The following DLGAP2 variants were observed in gnomAD, a reference collection of about 807,000 sequenced individuals.
DLGAP2 encodes DLG associated protein 2.
Under a neutral mutation model 100.3 loss-of-function variants are expected in DLGAP2, and 26 were observed. The ratio of observed to expected loss-of-function variants is 0.26; its 90% confidence interval spans 0.19 to 0.36. DLGAP2 has a LOEUF of 0.36. Among genes scored for constraint, DLGAP2 ranks in the 10% least tolerant of loss-of-function variants. The probability of loss-of-function intolerance (pLI) is 1.00; values close to 1 mark genes in which losing one functional copy is unlikely to be tolerated. For missense variants in DLGAP2, 1,858 were observed against 1,453.2 expected (o/e 1.28, Z -4.53); for synonymous variants, 886 against 630.1 (o/e 1.41, Z -6.08).
At chr8:1,658,653 G>C (rs568367074) in intron 8 of DLGAP2, among the ~76,000 whole-genome samples, 93 of 152,306 alleles carry the variant, frequency 6.1e-4, no homozygotes, top group African/African-American at 1.8e-3. Flanking sequence ...AGTATTCTCT[G>C]ATGGTAGTTT....
Position 1,633,059 on chromosome 8 carries a change from C to A in DLGAP2, c.1810+13C>A. ...AGGTCAACAGCAGGTAAGGGGACGC[C>A]ATTTTCAGCCTTCCAGCGGGGACTC... On this transcript the variant is annotated intron_variant, in intron 8 of 14. Coordinates refer to ENST00000637795, the MANE Select transcript of DLGAP2 (RefSeq NM_001346810.2). The A allele has an allele frequency of 6.2e-7, 1 of 1,613,822 alleles. No homozygotes were observed.
chr8:1,190,013 G>T (rs1336921830), intron 2 of DLGAP2, among the ~76,000 whole-genome samples: 1 of 152,188 alleles, frequency 6.6e-6, no homozygotes, highest in Non-Finnish European at 1.5e-5. Flanking sequence ...GTTTTCTGGA[G>T]TTTAAAGGCC....
chr8:930,553 G>A (rs150488198), intron 2 of DLGAP2, among the ~76,000 whole-genome samples: 118 of 152,336 alleles, frequency 7.7e-4, no homozygotes, highest in African/African-American at 2.8e-3. Flanking sequence ...GGCAGACAGA[G>A]ATATTCTAGT....
intron 3 of DLGAP2, among the ~76,000 whole-genome samples, chr8:1,312,533 T>G (rs1207493782): frequency 6.6e-6 from 1 of 152,056 alleles, no homozygotes; most frequent in Non-Finnish European, 1.5e-5. Flanking sequence ...TCTGGGGGCT[T>G]GGGGGAGAGG....
chr8:1,302,068 G>A (rs905482820), intron 3 of DLGAP2: 1 of 152,336 alleles, frequency 6.6e-6, no homozygotes, highest in Non-Finnish European at 1.5e-5. Flanking sequence ...TGGGGGAAAA[G>A]GGTGCCTGTA....
chr8:1,697,093 C>A (rs1799416982), intron 13 of DLGAP2, 54 bp from the exon 14 acceptor site: 2 of 1,463,894 alleles, frequency 1.4e-6, no homozygotes. Context: ...GCCTCCCCAG[C>A]CCTGTGCCCG....
At chr8:1,352,121 G>C (rs1333627765) in intron 3 of DLGAP2, among the ~76,000 whole-genome samples, 2 of 97,552 alleles carry the variant, frequency 2.1e-5, no homozygotes, top group African/African-American at 7.0e-5. Context: ...AGTGTGTGTG[G>C]AACGGCCGTG....
intron 3 of DLGAP2, among the ~76,000 whole-genome samples, chr8:1,498,094 G>C (rs1023521959): frequency 1.3e-5 from 2 of 152,160 alleles, no homozygotes; most frequent in African/African-American, 4.8e-5. Flanking sequence ...AAGTCATTAT[G>C]GAGTCAAACA....
intron 2 of DLGAP2, among the ~76,000 whole-genome samples, chr8:1,164,754 C>G (rs971268563): frequency 5.9e-5 from 9 of 152,108 alleles, no homozygotes; most frequent in African/African-American, 2.2e-4. Context: ...TGTCTGAGGT[C>G]TATGTGAAAA....
intron 2 of DLGAP2, among the ~76,000 whole-genome samples, chr8:966,693 G>A (rs369585301): frequency 1.8e-4 from 27 of 152,126 alleles, no homozygotes; most frequent in Non-Finnish European, 3.4e-4. Flanking sequence ...TTTTGCTACT[G>A]GTGGAGTCTT....
At chr8:1,671,955 C>A (rs1368916629) in intron 10 of DLGAP2, among the ~76,000 whole-genome samples, 3 of 152,236 alleles carry the variant, frequency 2.0e-5, no homozygotes, top group Non-Finnish European at 4.4e-5. Flanking sequence ...CCCGGTCTGG[C>A]CTGACCTCGC....
intron 12 of DLGAP2, among the ~76,000 whole-genome samples, chr8:1,687,013 A>G (rs1197444850): frequency 6.6e-6 from 1 of 152,154 alleles, no homozygotes; most frequent in African/African-American, 2.4e-5. Context: ...TAAATCCATT[A>G]AAAACACACA....
At chr8:1,209,084 A>G (rs1324062592) in intron 2 of DLGAP2, among the ~76,000 whole-genome samples, 3 of 152,086 alleles carry the variant, frequency 2.0e-5, no homozygotes, top group Non-Finnish European at 4.4e-5. Flanking sequence ...GCCAAACACA[A>G]TGGATAAATT....
intron 2 of DLGAP2, among the ~76,000 whole-genome samples, chr8:962,834 C>G (rs1271950499): frequency 3.2e-4 from 49 of 152,182 alleles, no homozygotes; most frequent in Admixed American, 3.2e-3. Context: ...TGACAAGAGC[C>G]TTGGAAACCC....
chr8:1,292,854 C>T (rs934246444), intron 3 of DLGAP2, among the ~76,000 whole-genome samples: 1 of 152,132 alleles, frequency 6.6e-6, no homozygotes, highest in Non-Finnish European at 1.5e-5. Flanking sequence ...CATCCCAAGC[C>T]TACGCTGCCT....
intron 9 of DLGAP2, among the ~76,000 whole-genome samples, chr8:1,669,203 G>C (rs114819779): frequency 0.018 from 2,760 of 152,320 alleles, 76 homozygotes; most frequent in African/African-American, 0.062. Flanking sequence ...AGGCCCCTCA[G>C]CTGGGGTCAC....
chr8:1,169,814 C>G (rs1238933269), intron 2 of DLGAP2, among the ~76,000 whole-genome samples: 2 of 151,958 alleles, frequency 1.3e-5, no homozygotes, highest in East Asian at 1.9e-4. Context: ...GATATACAAT[C>G]ATGTCATCTG....
At chr8:1,277,233 A>G (rs1266975684) in intron 3 of DLGAP2, among the ~76,000 whole-genome samples, 2 of 149,360 alleles carry the variant, frequency 1.3e-5, no homozygotes, top group Non-Finnish European at 2.9e-5. Flanking sequence ...GACTTATAAC[A>G]TGTGCTTCTT....
At chr8:1,522,529 G>A (rs115699196) in intron 4 of DLGAP2, among the ~76,000 whole-genome samples, 2,042 of 152,270 alleles carry the variant, frequency 0.013, 37 homozygotes, top group African/African-American at 0.037. Context: ...CTGGGCCCCC[G>A]GCCATCAGCA....
Sources: allele counts gnomAD v4.1 joint callset (sites outside exome capture counted in the v4.1 genomes callset), GRCh38; gene constraint gnomAD v4.1.1; transcripts MANE v1.5; gene names NCBI Gene and HGNC (gene_info 2026-07-23, HGNC 2026-07-21).